Variants in CRYZL1 observed in about 807,000 individuals in gnomAD.
CRYZL1 encodes the protein ferry endosomal RAB5 effector complex subunit 4.
In CRYZL1, 34 loss-of-function variants were observed where a neutral mutation model predicts 50.6. The ratio of observed to expected loss-of-function variants is 0.67; its 90% CI spans 0.51 to 0.89. The LOEUF is 0.89. Ranked by LOEUF, CRYZL1 falls within the 40% of genes least tolerant of loss-of-function variation. The pLI is 0.00. For missense variants in CRYZL1, 354 were observed against 402.3 expected, an observed-to-expected ratio of 0.88 and a Z score of 1.03; for synonymous variants, 125 against 134.3, an observed-to-expected ratio of 0.93 and a Z score of 0.48.
At chr21:33,607,808 T>C (rs572304002) in intron 6 of CRYZL1, among the ~76,000 whole-genome samples, 8 of 152,322 alleles carry the variant, frequency 5.3e-5, no homozygotes, top group Non-Finnish European at 1.0e-4. Flanking sequence ...TTACAAAAGG[T>C]TGGAGCTACA....
rs575575520 is a variant in CRYZL1 at position 33,635,650 on chromosome 21, G to A, written c.-6-4093C>T. On this transcript the variant is annotated intron_variant, in intron 1 of 12. Coordinates refer to ENST00000381554, the MANE Select transcript of CRYZL1 (RefSeq NM_145858.3). ...ATTATAGGCGTGAGCCACCGCGCCC[G>A]GCCATAAAAGTATTAAACATTTTAT... Among the ~76,000 whole-genome samples the A allele has an allele frequency of 3.7e-3, 541 of 147,570 alleles. 3 individuals carry two copies. The highest frequency in any genetic ancestry group is 0.013 in the African/African-American group (516 of 40,626).
At chr21:33,612,923 A>G (rs2086889215) in intron 6 of CRYZL1, among the ~76,000 whole-genome samples, 1 of 152,054 alleles carries the variant, frequency 6.6e-6, no homozygotes, top group Admixed American at 6.6e-5. Flanking sequence ...TCCAGAGTTC[A>G]AGCAATTCTC....
chr21:33,614,045 G>A (rs544546388), intron 5 of CRYZL1, among the ~76,000 whole-genome samples: 104 of 151,986 alleles, frequency 6.8e-4, no homozygotes, highest in South Asian at 2.5e-3. Flanking sequence ...AGTGGCAGGC[G>A]CCTGTAATCC....
chr21:33,635,178 G>A (rs2087189761), intron 1 of CRYZL1, among the ~76,000 whole-genome samples: 1 of 151,738 alleles, frequency 6.6e-6, no homozygotes, highest in South Asian at 2.1e-4. Context: ...GGTATTCAAG[G>A]CCCACATGGT....
chr21:33,618,238 A>C (rs2086957168), intron 4 of CRYZL1, among the ~76,000 whole-genome samples: 1 of 151,156 alleles, frequency 6.6e-6, no homozygotes, highest in Admixed American at 6.6e-5. Flanking sequence ...GCAGTGAGCC[A>C]AGACTGCGCC....
chr21:33,624,484 G>A (rs903056288), intron 3 of CRYZL1, among the ~76,000 whole-genome samples, 199 bp downstream of exon 3: 14 of 152,192 alleles, frequency 9.2e-5, no homozygotes, highest in African/African-American at 3.1e-4. Flanking sequence ...AGGAGGCAGA[G>A]GTTGCAGTGA....
chr21:33,616,150 T>C (rs978880532), intron 5 of CRYZL1: 1 of 150,908 alleles, frequency 6.6e-6, no homozygotes, highest in African/African-American at 2.4e-5. Flanking sequence ...CATTGTTCAA[T>C]TCCCACCTAT....
intron 5 of CRYZL1, 112 bp from the exon 6 acceptor site, chr21:33,613,718 A>G (rs2086897816): frequency 2.7e-6 from 2 of 743,840 alleles, no homozygotes; most frequent in South Asian, 1.6e-5. Flanking sequence ...GGTTCCAGTA[A>G]TTACTAGTGT....
At position 33,603,556 on chromosome 21, in the gene CRYZL1, A is replaced by C. The variant is rs1207084774; in HGVS notation, c.332-19T>G. 3.1e-6 allele frequency: 5 copies of C among 1,613,464 alleles called. No individual in the cohort carries two copies. The South Asian group carries it at 5.5e-5, about 18-fold the overall frequency. On this transcript the variant is annotated intron_variant, in intron 6 of 12. Coordinates refer to ENST00000381554, the MANE Select transcript of CRYZL1 (RefSeq NM_145858.3). ...TTATGAACTATCATAAAGAACAAGA[A>C]GAAACAATCTGTTAGCAAGTCCCAC... is the stretch of plus-strand genomic sequence containing the variant.
intron 8 of CRYZL1, among the ~76,000 whole-genome samples, chr21:33,601,493 G>C (rs975155883): frequency 6.6e-6 from 1 of 152,078 alleles, no homozygotes; most frequent in Admixed American, 6.6e-5. Context: ...CCTGCATCAG[G>C]TGTTTCTAAA....
intron 6 of CRYZL1, among the ~76,000 whole-genome samples, chr21:33,604,548 T>A (rs977180191): frequency 6.6e-6 from 1 of 150,502 alleles, no homozygotes; most frequent in South Asian, 2.1e-4. Context: ...AAAAAAAAAA[T>A]TTCATATTGC....
At chr21:33,621,534 G>T (rs1228280862) in intron 4 of CRYZL1, among the ~76,000 whole-genome samples, 1 of 151,288 alleles carries the variant, frequency 6.6e-6, no homozygotes, top group Admixed American at 6.6e-5. Context: ...GTAGTGACGG[G>T]GTTTCACCGT....
intron 1 of CRYZL1, among the ~76,000 whole-genome samples, chr21:33,634,165 T>C (rs1398584257): frequency 1.3e-5 from 2 of 152,204 alleles, no homozygotes; most frequent in East Asian, 3.8e-4. Context: ...CAGAAGGTCT[T>C]TGTGTCAATG....
At chr21:33,595,510 T>G in intron 11 of CRYZL1, 1 of 1,280,450 alleles carries the variant, frequency 7.8e-7, no homozygotes, top group Non-Finnish European at 1.1e-6. Context: ...TCAACATCTC[T>G]GTGCTTCTGT....
At chr21:33,592,103 TTTTTG>T (rs937797723) in intron 11 of CRYZL1, among the ~76,000 whole-genome samples, 17 of 151,874 alleles carry the variant, frequency 1.1e-4, no homozygotes, top group African/African-American at 4.1e-4. Context: ...TATGCTATTT[TTTTTG>T]TTTTTTTTAT....
chr21:33,616,525 C>A, intron 5 of CRYZL1, 181 bp downstream of exon 5: 1 of 1,264,130 alleles, frequency 7.9e-7, no homozygotes, highest in Non-Finnish European at 1.1e-6. Context: ...CTCCCGACCT[C>A]AGGTGATTCG....
intron 4 of CRYZL1, chr21:33,616,967 C>A: frequency 9.1e-6 from 3 of 328,472 alleles, no homozygotes; most frequent in Non-Finnish European, 1.7e-5. Context: ...TTGGGCCATG[C>A]GATTATTGTG....
chr21:33,639,932 T>TCTC, intron 1 of CRYZL1: 1 of 339,886 alleles, frequency 2.9e-6, no homozygotes. Flanking sequence ...TTCAAGCAAT[T>TCTC]CTCCTGCCTC....
At chr21:33,592,009 C>T (rs533180606) in intron 11 of CRYZL1, among the ~76,000 whole-genome samples, 17 of 151,630 alleles carry the variant, frequency 1.1e-4, no homozygotes, top group African/African-American at 2.2e-4. Flanking sequence ...TGCATATAAC[C>T]GAGGCACATC....
Sources: allele counts gnomAD v4.1 joint callset (sites outside exome capture counted in the v4.1 genomes callset), GRCh38; gene constraint gnomAD v4.1.1; transcripts MANE v1.5; gene names NCBI Gene and HGNC (gene_info 2026-07-23, HGNC 2026-07-21).